The following SCFD2 variants were observed in gnomAD, a reference collection of about 807,000 sequenced individuals.
The protein encoded by SCFD2 is sec1 family domain-containing protein 2.
In SCFD2, 54 loss-of-function variants were observed where a neutral mutation model predicts 58.9. The ratio of observed to expected loss-of-function variants is 0.92; its 90% CI spans 0.74 to 1.15. The LOEUF is 1.15. Among genes scored for constraint, SCFD2 ranks in the 50% most tolerant of loss-of-function variants. The pLI, the probability that SCFD2 is intolerant of heterozygous loss-of-function variation, is 0.00. For synonymous variants in SCFD2, 321 were observed against 335.9 expected (o/e 0.96, Z 0.49); for missense variants, 805 against 836.6 (o/e 0.96, Z 0.47).
chr4:52,927,730 C>G (rs561897009), intron 5 of SCFD2, among the ~76,000 whole-genome samples: 56 of 152,002 alleles, frequency 3.7e-4, no homozygotes, highest in South Asian at 8.3e-4. Flanking sequence ...CTGGGAAGAG[C>G]AGGTGTGCAC....
chr4:53,038,675 A>G (rs1722821734), intron 5 of SCFD2, among the ~76,000 whole-genome samples: 2 of 152,094 alleles, frequency 1.3e-5, no homozygotes, highest in African/African-American at 4.8e-5. Flanking sequence ...CAGAAAAAAG[A>G]AGACATTTAA....
At chr4:53,253,077 AG>A (rs1430858926) in intron 4 of SCFD2, among the ~76,000 whole-genome samples, 7 of 152,252 alleles carry the variant, frequency 4.6e-5, no homozygotes, top group Admixed American at 4.6e-4. Context: ...AAGTGGAAAA[AG>A]GATATGAACA....
At chr4:53,179,269 A>G (rs1416630556) in intron 4 of SCFD2, among the ~76,000 whole-genome samples, 2 of 152,204 alleles carry the variant, frequency 1.3e-5, no homozygotes, top group Non-Finnish European at 2.9e-5. Flanking sequence ...GGTTACCCAC[A>G]AAGGGAAGCC....
At chr4:53,075,586 T>G (rs1723948572) in intron 5 of SCFD2, among the ~76,000 whole-genome samples, 2 of 152,170 alleles carry the variant, frequency 1.3e-5, no homozygotes, top group African/African-American at 4.8e-5. Flanking sequence ...CTTGAACACT[T>G]AGAGGCCACT....
At chr4:53,020,280 C>T (rs1722315361) in intron 5 of SCFD2, among the ~76,000 whole-genome samples, 1 of 152,268 alleles carries the variant, frequency 6.6e-6, no homozygotes, top group South Asian at 2.1e-4. Context: ...AACTATGGTC[C>T]CTCTGAAAAT....
intron 4 of SCFD2, among the ~76,000 whole-genome samples, chr4:53,229,843 A>C (rs1432157210): frequency 1.3e-5 from 2 of 152,202 alleles, no homozygotes; most frequent in Non-Finnish European, 2.9e-5. Flanking sequence ...CAACCTACAG[A>C]ATGGGAGAAA....
At chr4:52,894,866 G>A (rs1718962833) in intron 7 of SCFD2, among the ~76,000 whole-genome samples, 1 of 152,140 alleles carries the variant, frequency 6.6e-6, no homozygotes. Context: ...AGCAAACTTG[G>A]GAGAGGAAAG....
chr4:53,230,335 C>G (rs529904120), intron 4 of SCFD2, among the ~76,000 whole-genome samples: 1 of 152,126 alleles, frequency 6.6e-6, no homozygotes, highest in African/African-American at 2.4e-5. Context: ...ATGTTTATTG[C>G]GGCACTATTC....
chr4:53,352,710 G>A lies in SCFD2; in HGVS notation c.895C>T (p.Gln299Ter). ...LVEKIISALP[Q>*]LPGHTNDVMV... ...ACATCATTTGTGTGGCCTGGGAGCT[G>A]GGGAAGTGCTGAAATGATCTTCTCT... Residue 299 changes from glutamine (Q) to a stop codon, truncating the protein, a stop_gained, in exon 2 of 9, where the codon CAG (glutamine) becomes TAG (stop). Transcript: ENST00000401642. LOFTEE classifies it high-confidence loss of function. 1 of 1,614,028 alleles carries A rather than the reference G, an allele frequency of 6.2e-7. No homozygotes were observed. Among genetic ancestry groups the A allele is most frequent in the Non-Finnish European group, 8.5e-7 (1 of 1,179,912 alleles).
chr4:53,145,622 T>C (rs1270499235), intron 4 of SCFD2, 40 bp from the exon 5 acceptor site: 7 of 1,568,930 alleles, frequency 4.5e-6, no homozygotes, highest in East Asian at 2.2e-5. Context: ...CAATCTTGTA[T>C]AAAGACATAA....
intron 2 of SCFD2, among the ~76,000 whole-genome samples, chr4:53,344,878 G>A (rs1324552859): frequency 6.6e-6 from 1 of 152,212 alleles, no homozygotes. Flanking sequence ...AATGGTGCTG[G>A]GATAAGTGAC....
In SCFD2 at chr4:53,352,894, A is replaced by G. The variant is rs1245109456; in HGVS notation, c.839-128T>C. On this transcript the variant is annotated intron_variant, in intron 1 of 8. Coordinates refer to ENST00000401642, the MANE Select transcript of SCFD2 (RefSeq NM_152540.4). ...TTAGTTTCTGTTCAACAAAACTCAC[A>G]TTTTGCCCTTCATACAGCTAATCAC... The G allele has an allele frequency of 3.8e-6, 3 of 796,806 alleles. No individual in the cohort carries two copies. In the African/African-American group the frequency reaches 5.2e-5, roughly 14 times the overall value. The allele number at this position is 796,806 out of a possible 1,614,324, so 49.4% of individuals were successfully genotyped here.
intron 4 of SCFD2, among the ~76,000 whole-genome samples, chr4:53,239,258 G>GA (rs1389814423): frequency 6.6e-6 from 1 of 152,052 alleles, no homozygotes; most frequent in Non-Finnish European, 1.5e-5. Context: ...GCTGAGTCAG[G>GA]AGAGTCAGGC....
At chr4:53,023,810 A>T (rs540869535) in intron 5 of SCFD2, among the ~76,000 whole-genome samples, 2 of 152,240 alleles carry the variant, frequency 1.3e-5, no homozygotes, top group African/African-American at 4.8e-5. Flanking sequence ...AGGTTTCTAG[A>T]CTGAAACCTG....
At chr4:53,127,677 C>T (rs1725667348) in intron 5 of SCFD2, among the ~76,000 whole-genome samples, 1 of 152,130 alleles carries the variant, frequency 6.6e-6, no homozygotes, top group African/African-American at 2.4e-5. Flanking sequence ...CAGAGAACTG[C>T]TCTTGCAAGC....
At chr4:53,181,939 T>C (rs1164433284) in intron 4 of SCFD2, among the ~76,000 whole-genome samples, 1 of 152,072 alleles carries the variant, frequency 6.6e-6, no homozygotes, top group African/African-American at 2.4e-5. Flanking sequence ...GGAATCCAAC[T>C]TACAAGGGAT....
chr4:53,012,834 G>GTC (rs5858199), intron 5 of SCFD2, among the ~76,000 whole-genome samples: 3 of 134,560 alleles, frequency 2.2e-5, no homozygotes, highest in Non-Finnish European at 4.8e-5. Flanking sequence ...GTGTGTGTGT[G>GTC]TGTTTTTTTT....
chr4:52,998,467 A>G (rs1409894878), intron 5 of SCFD2, among the ~76,000 whole-genome samples: 1 of 152,238 alleles, frequency 6.6e-6, no homozygotes, highest in East Asian at 1.9e-4. Flanking sequence ...ATGATAAGAG[A>G]TTAAATCCTT....
chr4:53,279,963 T>C (rs1731455997), intron 3 of SCFD2, among the ~76,000 whole-genome samples: 2 of 152,190 alleles, frequency 1.3e-5, no homozygotes, highest in African/African-American at 4.8e-5. Flanking sequence ...CTGGGGATTA[T>C]GGGGATTACA....
Sources: gnomAD v4.1 joint callset for allele counts (sites outside exome capture counted in the v4.1 genomes callset) on GRCh38, gnomAD v4.1.1 for gene constraint, MANE v1.5 for transcripts, NCBI Gene and HGNC (gene_info 2026-07-23, HGNC 2026-07-21) for gene names.